The following PMPCB variants were observed in gnomAD, a reference collection of about 807,000 sequenced individuals.
PMPCB encodes mitochondrial-processing peptidase subunit beta.
Under a neutral mutation model 61.5 loss-of-function variants are expected in PMPCB, and 46 were observed. The ratio of observed to expected loss-of-function variants is 0.75; its 90% CI spans 0.59 to 0.96. The LOEUF is 0.96. Among genes scored for constraint, PMPCB ranks in the 40% least tolerant of loss-of-function variants. The probability of loss-of-function intolerance (pLI) is 0.00; values close to 1 mark genes in which losing one functional copy is unlikely to be tolerated. For missense variants in PMPCB, 590 were observed against 602.4 expected, an observed-to-expected ratio of 0.98 and a Z score of 0.22; for synonymous variants, 191 against 201.6, an observed-to-expected ratio of 0.95 and a Z score of 0.44.
At chr7:103,299,053 C>T (rs924229508) in intron 2 of PMPCB, among the ~76,000 whole-genome samples, 4 of 152,170 alleles carry the variant, frequency 2.6e-5, no homozygotes, top group Non-Finnish European at 5.9e-5. Context: ...AGTGGGCATC[C>T]TCACACCTGT....
intron 12 of PMPCB, chr7:103,326,609 G>C: frequency 6.5e-7 from 1 of 1,549,272 alleles, no homozygotes; most frequent in Non-Finnish European, 8.7e-7. Context: ...ACTTTTAGAA[G>C]GAACTGAGTT....
chr7:103,299,602 C>A, intron 3 of PMPCB, 73 bp downstream of exon 3: 1 of 817,634 alleles, frequency 1.2e-6, no homozygotes, highest in Non-Finnish European at 2.0e-6. Flanking sequence ...TCTTTAGAGG[C>A]AGGGAGAGCT....
the PMPCB span, among the ~76,000 whole-genome samples, chr7:103,345,772 T>G: frequency 6.6e-6 from 1 of 151,820 alleles, no homozygotes; most frequent in Admixed American, 6.6e-5. Flanking sequence ...ATACATTTAA[T>G]TGGTCTGTAT....
intron 1 of PMPCB, chr7:103,297,777 T>C: frequency 6.5e-7 from 1 of 1,531,568 alleles, no homozygotes. Flanking sequence ...GGGATGACCC[T>C]GGTTTTCGGC....
chr7:103,315,725 A>G (rs193058291), downstream of PMPCB: 9 of 1,380,002 alleles, frequency 6.5e-6, no homozygotes, highest in African/African-American at 2.8e-5. Flanking sequence ...GCACAGATAC[A>G]TGGCTAGCAT....
At chr7:103,344,590 C>G in the PMPCB span, 1 of 1,613,146 alleles carries the variant, frequency 6.2e-7, no homozygotes, top group Non-Finnish European at 8.5e-7. Flanking sequence ...TGGCGGTGCC[C>G]CGGCCGTCCG....
chr7:103,315,902 A>G, downstream of PMPCB: 1 of 1,555,948 alleles, frequency 6.4e-7, no homozygotes, highest in South Asian at 1.1e-5. Context: ...AATACTTAAC[A>G]GATCATCATT....
chr7:103,341,655 T>A, the PMPCB span: 1 of 904,508 alleles, frequency 1.1e-6, no homozygotes, highest in Non-Finnish European at 1.7e-6. Flanking sequence ...TAAATCATAG[T>A]TATCTTGCTG....
chr7:103,311,769 C>A, intron 10 of PMPCB, 39 bp from the exon 11 acceptor site: 1 of 1,597,956 alleles, frequency 6.3e-7, no homozygotes, highest in Admixed American at 1.7e-5. Context: ...TATGGTTGAT[C>A]TGTATTCCAA....
chr7:103,323,557 C>A lies in PMPCB; in HGVS notation c.*1432-5374C>A, dbSNP rs912418107. 12 of 1,414,862 alleles carry A rather than the reference C, an allele frequency of 8.5e-6. No homozygotes were observed. The African/African-American group carries it at 1.3e-4, about 16-fold the overall frequency. The allele number at this position is 1,414,862 out of a possible 1,614,324, so 87.6% of individuals were successfully genotyped here. A position where few individuals can be genotyped will look rare whatever the true frequency, so the allele number is the denominator to read the frequency against. On this transcript the variant is annotated intron_variant and NMD_transcript_variant, in intron 12 of 12. Transcript: ENST00000444457. ...TTACATCATCACAAATACCAGAGAA[C>A]CAAATAAATACCTTCCATTATTAAT...
chr7:103,316,384 C>A, downstream of PMPCB: 1 of 240,790 alleles, frequency 4.2e-6, no homozygotes, highest in Non-Finnish European at 7.9e-6. Context: ...TAATACATTT[C>A]TTCAGAAGAT....
At position 103,313,226 on chromosome 7, in the gene PMPCB, G is replaced by A; in HGVS notation, c.*955G>A. The A allele has an allele frequency of 6.9e-7, 1 of 1,447,582 alleles. No individual in the cohort carries two copies. Among genetic ancestry groups the A allele is most frequent in the Non-Finnish European group, 9.0e-7 (1 of 1,105,560 alleles). The allele number at this position is 1,447,582 out of a possible 1,614,324, so 89.7% of individuals were successfully genotyped here. A position where few individuals can be genotyped will look rare whatever the true frequency, so the allele number is the denominator to read the frequency against. On this transcript the variant is annotated 3_prime_UTR_variant, in exon 13 of 13. Transcript: ENST00000249269. The stretch of plus-strand genomic sequence containing the variant: ...GATGTGTCATTTTGAAAATAAACTT[G>A]TAGAGATGAGAGATACATATAGCCC...
downstream of PMPCB, chr7:103,317,274 T>C (rs76311420): frequency 1.7e-3 from 674 of 397,738 alleles, 4 homozygotes; most frequent in African/African-American, 0.013. Context: ...CCATTAGCCT[T>C]GGACACTAAT....
chr7:103,346,204 C>T, the PMPCB span, among the ~76,000 whole-genome samples: 8 of 152,152 alleles, frequency 5.3e-5, no homozygotes, highest in Non-Finnish European at 8.8e-5. Flanking sequence ...CTGATTTCGG[C>T]TCACTGCAAT....
intron 4 of PMPCB, among the ~76,000 whole-genome samples, chr7:103,303,086 G>A (rs1437429858): frequency 6.6e-6 from 1 of 152,024 alleles, no homozygotes; most frequent in Non-Finnish European, 1.5e-5. Flanking sequence ...TGCAAATTAG[G>A]GTTTGAGAAC....
At chr7:103,304,543 A>G (rs1256042962) in intron 6 of PMPCB, 53 bp downstream of exon 6, 1 of 1,167,822 alleles carries the variant, frequency 8.6e-7, no homozygotes, top group Non-Finnish European at 1.3e-6. Flanking sequence ...TTGGAGTGGT[A>G]TGCTTATTAG....
chr7:103,332,107 C>T (rs1455001174), downstream of PMPCB, among the ~76,000 whole-genome samples: 1 of 151,752 alleles, frequency 6.6e-6, no homozygotes, highest in Non-Finnish European at 1.5e-5. Context: ...CGGGTTCATG[C>T]CATTCTCCTG....
At chr7:103,311,999 G>A in intron 11 of PMPCB, 57 bp from the exon 12 acceptor site, 2 of 1,574,298 alleles carry the variant, frequency 1.3e-6, no homozygotes, top group Admixed American at 1.8e-5. Flanking sequence ...AAAAGTTCCA[G>A]GTATAGACTT....
chr7:103,345,986 T>A, the PMPCB span, among the ~76,000 whole-genome samples: 1 of 151,936 alleles, frequency 6.6e-6, no homozygotes, highest in Non-Finnish European at 1.5e-5. Flanking sequence ...CAAAACCTCT[T>A]CCTGATCCCT....
Sources: allele counts gnomAD v4.1 joint callset (sites outside exome capture counted in the v4.1 genomes callset), GRCh38; gene constraint gnomAD v4.1.1; transcripts MANE v1.5; gene names NCBI Gene and HGNC (gene_info 2026-07-23, HGNC 2026-07-21).